HLCS: variants seen among roughly 807,000 people sequenced by gnomAD.
HLCS encodes the protein holocarboxylase synthetase.
Under a neutral mutation model 75.0 loss-of-function variants are expected in HLCS, and 53 were observed. That is an observed-to-expected ratio of 0.71 (90% CI 0.57 to 0.89). The LOEUF (loss-of-function observed/expected upper bound fraction) is 0.89. Ranked by LOEUF, HLCS falls within the 40% of genes least tolerant of loss-of-function variation. HLCS has a pLI of 0.00. For synonymous variants in HLCS, 431 were observed against 428.6 expected, an observed-to-expected ratio of 1.01 and a Z score of -0.07; for missense variants, 966 against 1,074.0, an observed-to-expected ratio of 0.90 and a Z score of 1.41.
At chr21:36,836,902 C>T (rs1433202450) in intron 6 of HLCS, among the ~76,000 whole-genome samples, 3 of 151,940 alleles carry the variant, frequency 2.0e-5, no homozygotes, top group Non-Finnish European at 1.5e-5. Flanking sequence ...AACTGCACGG[C>T]GGCTGGGCAC....
rs1014917827 is a variant in HLCS, at chr21:36,856,898, T to TA, written c.1892+39961dup. On this transcript the variant is annotated intron_variant, in intron 6 of 10. Transcript: ENST00000674895. ...AACCACACACACACACAGACATACA[T>TA]ACAAGGTAATTTCTCCAGGCAGCAT... is the stretch of plus-strand genomic sequence containing the variant. Among the ~76,000 whole-genome samples, 59 of 152,252 alleles carry TA rather than the reference T, an allele frequency of 3.9e-4. 1 individual carries two copies. The highest frequency in any genetic ancestry group is 1.3e-3 in the African/African-American group (53 of 41,562).
intron 4 of HLCS, among the ~76,000 whole-genome samples, chr21:36,934,935 G>A (rs1275266390): frequency 6.6e-6 from 1 of 152,204 alleles, no homozygotes; most frequent in Admixed American, 6.5e-5. Context: ...AATCTGATTT[G>A]TGAAGCTGCA....
At chr21:36,930,464 G>A (rs1473433383) in intron 4 of HLCS, 31 bp from the exon 5 acceptor site, 1 of 1,572,142 alleles carries the variant, frequency 6.4e-7, no homozygotes, top group Admixed American at 1.7e-5. Flanking sequence ...TATGTAAACT[G>A]AGGGCACTCA....
At chr21:36,754,479 G>C in intron 10 of HLCS, 62 bp from the exon 11 acceptor site, 1 of 1,528,240 alleles carries the variant, frequency 6.5e-7, no homozygotes, top group Non-Finnish European at 8.9e-7. Flanking sequence ...AAGACAATGA[G>C]CTGAAGAATA....
At chr21:36,841,268 A>C (rs561733268) in intron 6 of HLCS, among the ~76,000 whole-genome samples, 1 of 152,350 alleles carries the variant, frequency 6.6e-6, no homozygotes, top group South Asian at 2.1e-4. Flanking sequence ...TTTTCGGGGA[A>C]TTTGTCTGTC....
intron 5 of HLCS, among the ~76,000 whole-genome samples, chr21:36,910,838 C>T (rs1432289450): frequency 6.6e-6 from 1 of 152,198 alleles, no homozygotes; most frequent in Non-Finnish European, 1.5e-5. Flanking sequence ...CACGGCACTG[C>T]ACCCTGGCAT....
At chr21:36,942,238 A>C (rs1327208175) in intron 2 of HLCS, among the ~76,000 whole-genome samples, 4 of 151,970 alleles carry the variant, frequency 2.6e-5, no homozygotes, top group Non-Finnish European at 5.9e-5. Flanking sequence ...AAAAGAAAAA[A>C]ACCACAGATA....
intron 6 of HLCS, among the ~76,000 whole-genome samples, chr21:36,809,502 T>C (rs910701314): frequency 6.6e-6 from 1 of 152,202 alleles, no homozygotes; most frequent in Non-Finnish European, 1.5e-5. Context: ...TCTGAAATTT[T>C]TTAGCTATTA....
At chr21:36,984,328 C>G (rs889449462) in intron 1 of HLCS, among the ~76,000 whole-genome samples, 1 of 151,934 alleles carries the variant, frequency 6.6e-6, no homozygotes, top group Non-Finnish European at 1.5e-5. Context: ...GGCACAATAA[C>G]AAATTAACAA....
At chr21:36,816,762 C>T (rs1395555795) in intron 6 of HLCS, among the ~76,000 whole-genome samples, 3 of 152,170 alleles carry the variant, frequency 2.0e-5, no homozygotes, top group South Asian at 4.1e-4. Flanking sequence ...ATACATGGCA[C>T]AGCTCCAAAG....
chr21:36,841,947 T>C (rs984908150), intron 6 of HLCS, among the ~76,000 whole-genome samples: 5 of 152,340 alleles, frequency 3.3e-5, no homozygotes, highest in Admixed American at 2.0e-4. Context: ...GGCTGACATA[T>C]GCATACCTCA....
intron 6 of HLCS, among the ~76,000 whole-genome samples, chr21:36,774,700 G>A (rs1465244656): frequency 6.6e-6 from 1 of 152,170 alleles, no homozygotes; most frequent in South Asian, 2.1e-4. Context: ...CACACACTAA[G>A]GTGATCTCTA....
In HLCS at chr21:36,939,102, T is replaced by C. The variant is rs951126290; in HGVS notation, c.331-108A>G. The C allele has an allele frequency of 4.1e-6, 4 of 965,902 alleles. No homozygotes were observed. The African/African-American group carries it at 4.9e-5, about 12-fold the overall frequency. 59.8% of individuals were successfully genotyped at this position (965,902 alleles called of 1,614,324 possible). On this transcript the variant is annotated intron_variant, in intron 2 of 10. Transcript: ENST00000674895. ...TCCCTTGAGGCTCCTACCACTAAATTACAGTCATTAATAACAAATTACTGG... is the reference window on the plus strand; with the variant it reads ...TCCCTTGAGGCTCCTACCACTAAATCACAGTCATTAATAACAAATTACTGG...
chr21:36,800,150 G>A (rs2061153972), intron 6 of HLCS, among the ~76,000 whole-genome samples: 1 of 152,110 alleles, frequency 6.6e-6, no homozygotes, highest in Admixed American at 6.5e-5. Flanking sequence ...TCTGTGGCCA[G>A]CTTGACCCCA....
At chr21:36,783,832 C>A (rs956825856) in intron 6 of HLCS, among the ~76,000 whole-genome samples, 1 of 151,578 alleles carries the variant, frequency 6.6e-6, no homozygotes, top group East Asian at 1.9e-4. Context: ...TACACACACA[C>A]ACATACATGC....
At chr21:36,777,873 G>A (rs1197665342) in intron 6 of HLCS, among the ~76,000 whole-genome samples, 3 of 152,158 alleles carry the variant, frequency 2.0e-5, no homozygotes, top group Non-Finnish European at 2.9e-5. Flanking sequence ...TAATTAATAA[G>A]CACTTATGGG....
At chr21:36,946,078 G>A in intron 2 of HLCS, 1 of 983,962 alleles carries the variant, frequency 1.0e-6, no homozygotes, top group Non-Finnish European at 1.2e-6. Context: ...GTGCTCTTAT[G>A]GTTCCAAAAT....
intron 5 of HLCS, among the ~76,000 whole-genome samples, chr21:36,911,419 C>G (rs2065702670): frequency 6.6e-6 from 1 of 152,132 alleles, no homozygotes; most frequent in African/African-American, 2.4e-5. Flanking sequence ...ACTCTCAGAA[C>G]AGAAGGGGAC....
At chr21:36,904,623 C>T (rs1049355173) in intron 5 of HLCS, among the ~76,000 whole-genome samples, 5 of 152,104 alleles carry the variant, frequency 3.3e-5, no homozygotes, top group African/African-American at 9.7e-5. Flanking sequence ...AGCATTTAGC[C>T]TCCCCCAAAA....
Sources: gnomAD v4.1 joint callset for allele counts (sites outside exome capture counted in the v4.1 genomes callset) on GRCh38, gnomAD v4.1.1 for gene constraint, MANE v1.5 for transcripts, NCBI Gene and HGNC (gene_info 2026-07-23, HGNC 2026-07-21) for gene names.